CTNNA3: variants seen among roughly 807,000 people sequenced by gnomAD.
CTNNA3 encodes the protein catenin alpha-3.
Under a neutral mutation model 95.7 loss-of-function variants are expected in CTNNA3, and 76 were observed. The observed-to-expected ratio is 0.79, with a 90% CI of 0.66 to 0.96. CTNNA3 has a LOEUF of 0.96. Among genes scored for constraint, CTNNA3 ranks in the 40% least tolerant of loss-of-function variants. The pLI is 0.00. For missense variants in CTNNA3, 1,191 were observed against 1,089.8 expected, an observed-to-expected ratio of 1.09 and a Z score of -1.31; for synonymous variants, 431 against 374.4, an observed-to-expected ratio of 1.15 and a Z score of -1.74.
At chr10:66,510,635 C>T (rs1564500667) in intron 11 of CTNNA3, among the ~76,000 whole-genome samples, 1 of 148,748 alleles carries the variant, frequency 6.7e-6, no homozygotes, top group East Asian at 1.9e-4. Context: ...AAAGATTTTT[C>T]TGTCTATTGA....
At position 66,356,383 on chromosome 10, in the gene CTNNA3, G is replaced by A. The variant is rs148728901; in HGVS notation, c.1732+22769C>T. Among the ~76,000 whole-genome samples the A allele has an allele frequency of 1.3e-3, 196 of 151,662 alleles. 1 individual carries two copies. The highest frequency in any genetic ancestry group is 4.4e-3 in the African/African-American group (184 of 41,434). On this transcript the variant is annotated intron_variant, in intron 12 of 17. Transcript: ENST00000433211. ...TAATTTCTTTGACTAGCGTTTTGTA[G>A]TTTCTGGCAACATATAGGTGCAGCA...
At chr10:66,093,409 C>A (rs1338665284) in intron 14 of CTNNA3, among the ~76,000 whole-genome samples, 1 of 151,816 alleles carries the variant, frequency 6.6e-6, no homozygotes, top group Admixed American at 6.6e-5. Flanking sequence ...TCAATAGGGG[C>A]TAAAGTATAA....
chr10:67,070,815 A>G (rs1287144184), intron 7 of CTNNA3, among the ~76,000 whole-genome samples: 1 of 151,934 alleles, frequency 6.6e-6, no homozygotes, highest in Non-Finnish European at 1.5e-5. Flanking sequence ...TTTTTCTGCT[A>G]TGTTTTCCTC....
chr10:67,116,787 T>C (rs1422123219), intron 7 of CTNNA3, among the ~76,000 whole-genome samples: 1 of 149,228 alleles, frequency 6.7e-6, no homozygotes, highest in East Asian at 1.9e-4. Context: ...GTGATTTAAG[T>C]AGATCTATGA....
At chr10:67,260,682 T>A (rs1866566389) in intron 5 of CTNNA3, among the ~76,000 whole-genome samples, 1 of 131,992 alleles carries the variant, frequency 7.6e-6, no homozygotes, top group African/African-American at 3.9e-5. Context: ...TTTGTTTTTT[T>A]GTTTTTTTTT....
intron 11 of CTNNA3, among the ~76,000 whole-genome samples, chr10:66,495,953 T>C (rs954037923): frequency 2.0e-5 from 3 of 152,164 alleles, no homozygotes; most frequent in African/African-American, 7.2e-5. Context: ...CCACCACTCC[T>C]GGCCTGGAAG....
chr10:66,502,214 A>C (rs1176842908), intron 11 of CTNNA3, among the ~76,000 whole-genome samples: 1 of 152,090 alleles, frequency 6.6e-6, no homozygotes, highest in Non-Finnish European at 1.5e-5. Context: ...ATTCACAGTC[A>C]AGTGAAAGAA....
chr10:67,705,808 A>G (rs898970697), intron 1 of CTNNA3, among the ~76,000 whole-genome samples: 3 of 151,686 alleles, frequency 2.0e-5, no homozygotes, highest in African/African-American at 7.3e-5. Flanking sequence ...AAAGAAAGAA[A>G]AGGGCTACAT....
At chr10:66,362,423 T>G (rs2092682873) in intron 12 of CTNNA3, among the ~76,000 whole-genome samples, 1 of 151,558 alleles carries the variant, frequency 6.6e-6, no homozygotes, top group Non-Finnish European at 1.5e-5. Flanking sequence ...AAAAGGTAAT[T>G]TGATAGGCCA....
chr10:66,665,305 T>C (rs1009211425), intron 9 of CTNNA3, among the ~76,000 whole-genome samples: 3 of 152,168 alleles, frequency 2.0e-5, no homozygotes, highest in African/African-American at 4.8e-5. Flanking sequence ...ATAAAAAGCA[T>C]TGGATTTCTG....
intron 5 of CTNNA3, among the ~76,000 whole-genome samples, chr10:67,232,750 T>C (rs1186365531): frequency 1.3e-5 from 2 of 151,892 alleles, no homozygotes; most frequent in Non-Finnish European, 1.5e-5. Flanking sequence ...ATCAGTGTGC[T>C]GTATTCAGGA....
chr10:67,409,246 A>C (rs1393098334), intron 5 of CTNNA3, among the ~76,000 whole-genome samples: 1 of 152,108 alleles, frequency 6.6e-6, no homozygotes, highest in East Asian at 1.9e-4. Flanking sequence ...TATATACCCA[A>C]AGGATTATAA....
chr10:67,409,213 G>T (rs942702106), intron 5 of CTNNA3, among the ~76,000 whole-genome samples: 1 of 152,104 alleles, frequency 6.6e-6, no homozygotes, highest in African/African-American at 2.4e-5. Context: ...ACTACCATTT[G>T]ACCCAGCAAT....
intron 11 of CTNNA3, among the ~76,000 whole-genome samples, chr10:66,505,170 C>A (rs1840408350): frequency 6.6e-6 from 1 of 152,088 alleles, no homozygotes; most frequent in African/African-American, 2.4e-5. Context: ...ATTGTTTATT[C>A]AAATGAAAGC....
chr10:67,730,681 G>C (rs967873805), intron 1 of CTNNA3, among the ~76,000 whole-genome samples: 16 of 151,976 alleles, frequency 1.1e-4, no homozygotes, highest in Admixed American at 6.6e-5. Context: ...GGAAGAGAGA[G>C]AGGGAGAAAG....
chr10:67,156,933 G>A (rs1861336900), intron 7 of CTNNA3, among the ~76,000 whole-genome samples: 1 of 151,974 alleles, frequency 6.6e-6, no homozygotes, highest in South Asian at 2.1e-4. Flanking sequence ...CTTCAGTTCT[G>A]TTAATATTTG....
chr10:66,924,789 C>A (rs1180212518), intron 7 of CTNNA3, among the ~76,000 whole-genome samples: 1 of 152,202 alleles, frequency 6.6e-6, no homozygotes, highest in Non-Finnish European at 1.5e-5. Flanking sequence ...TGACTTAATT[C>A]TCAAAACATG....
chr10:65,975,373 A>C (rs1407388948), intron 16 of CTNNA3, among the ~76,000 whole-genome samples: 6 of 152,078 alleles, frequency 3.9e-5, no homozygotes, highest in African/African-American at 1.4e-4. Flanking sequence ...GAAAGGAGAA[A>C]GATATGGAGA....
At chr10:67,666,481 C>T (rs1260975964) in intron 1 of CTNNA3, among the ~76,000 whole-genome samples, 8 of 151,040 alleles carry the variant, frequency 5.3e-5, no homozygotes, top group Non-Finnish European at 8.8e-5. Flanking sequence ...TGGCTTCATT[C>T]TTCACATTTA....
Sources: gnomAD v4.1 joint callset for allele counts (sites outside exome capture counted in the v4.1 genomes callset) on GRCh38, gnomAD v4.1.1 for gene constraint, MANE v1.5 for transcripts, NCBI Gene and HGNC (gene_info 2026-07-23, HGNC 2026-07-21) for gene names.